SLC25A48: variants seen among roughly 807,000 people sequenced by gnomAD.
SLC25A48 encodes the protein CTC-321K16.1.
SLC25A48 carries 29 observed loss-of-function variants against 32.2 expected under a neutral mutation model. That is an observed-to-expected ratio of 0.90 (90% CI 0.67 to 1.23). The LOEUF (loss-of-function observed/expected upper bound fraction) is 1.23. Ranked by LOEUF, SLC25A48 falls within the 50% of genes most tolerant of loss-of-function variation. The probability of loss-of-function intolerance (pLI) is 0.00; values close to 1 mark genes in which losing one functional copy is unlikely to be tolerated. For missense variants in SLC25A48, 399 were observed against 422.7 expected (o/e 0.94, Z 0.49); for synonymous variants, 164 against 172.3 (o/e 0.95, Z 0.38).
chr5:135,728,038 C>T (rs576906036), intron 3 of SLC25A48, among the ~76,000 whole-genome samples: 6 of 152,154 alleles, frequency 3.9e-5, no homozygotes, highest in African/African-American at 1.4e-4. Flanking sequence ...GGTGGATCAC[C>T]TGAGGTCAGG....
intron 4 of SLC25A48, among the ~76,000 whole-genome samples, chr5:135,818,059 CTCT>C (rs1757775708): frequency 2.8e-4 from 2 of 7,260 alleles, no homozygotes; most frequent in Non-Finnish European, 1.0e-3. Context: ...CTGTTCCTCT[CTCT>C]CTCTCTCTCT....
chr5:135,742,562 T>G, intron 3 of SLC25A48: 2 of 1,365,464 alleles, frequency 1.5e-6, no homozygotes, highest in Non-Finnish European at 2.1e-6. Context: ...TTTTATGGTT[T>G]TCATTTTCTC....
In SLC25A48 at chr5:135,838,835, C is replaced by T. The variant is rs144839982; in HGVS notation, c.47-3581C>T. 7.6e-4 allele frequency among the ~76,000 whole-genome samples: 116 copies of T among 152,356 alleles called. 3 individuals carry two copies. The East Asian group carries it at 0.02, about 26-fold the overall frequency. On this transcript the variant is annotated intron_variant, in intron 1 of 7. Transcript: ENST00000681962. ...GCCTGGATGTCCAGGCAGAAGTTTG[C>T]TGCAGTTGGCTGCAGGGGTGGGGCC...
intron 3 of SLC25A48, among the ~76,000 whole-genome samples, chr5:135,778,169 AG>A (rs943383028): frequency 2.0e-5 from 3 of 151,560 alleles, no homozygotes; most frequent in African/African-American, 4.9e-5. Context: ...TCTAATATTA[AG>A]GGGGGGAGAG....
intron 1 of SLC25A48, among the ~76,000 whole-genome samples, chr5:135,839,132 T>C (rs1349211661): frequency 3.3e-5 from 5 of 152,240 alleles, no homozygotes; most frequent in Admixed American, 2.6e-4. Context: ...TCTTCCCTGA[T>C]GGTGACCTCT....
chr5:135,846,679 TG>T (rs1380793625), intron 2 of SLC25A48, among the ~76,000 whole-genome samples: 1 of 152,180 alleles, frequency 6.6e-6, no homozygotes, highest in Non-Finnish European at 1.5e-5. Context: ...CTCATAGTTT[TG>T]GGCTAAATAT....
chr5:135,843,177 C>A lies in SLC25A48; in HGVS notation c.90+718C>A, dbSNP rs145637933. ...AAACACTTTAAGTAGTAAAGGGGGG[C>A]GTTTAGGCTCCCCAGGGGACATCCC... On this transcript the variant is annotated intron_variant, in intron 2 of 7. Coordinates refer to ENST00000681962, the MANE Select transcript of SLC25A48 (RefSeq NM_001349336.2). Among the ~76,000 whole-genome samples the A allele has an allele frequency of 2.6e-5, 4 of 152,254 alleles. No homozygotes were observed. In the East Asian group the frequency reaches 7.7e-4, roughly 29 times the overall value.
chr5:135,615,637 G>A (rs775128106), intron 1 of SLC25A48, among the ~76,000 whole-genome samples: 29 of 152,292 alleles, frequency 1.9e-4, no homozygotes, highest in Non-Finnish European at 2.9e-4. Context: ...TTTGCAGCCC[G>A]GCCGTATGGT....
chr5:135,839,154 C>A (rs560862799), intron 1 of SLC25A48, among the ~76,000 whole-genome samples: 1 of 152,208 alleles, frequency 6.6e-6, no homozygotes, highest in Non-Finnish European at 1.5e-5. Context: ...AGAGCACTTT[C>A]CTTTGCAGTG....
intron 3 of SLC25A48, among the ~76,000 whole-genome samples, chr5:135,653,361 T>C (rs1753163511): frequency 6.6e-6 from 1 of 152,178 alleles, no homozygotes; most frequent in Non-Finnish European, 1.5e-5. Context: ...ACCGAGGAGA[T>C]TCTGTAGGTC....
At chr5:135,857,111 G>T (rs1268245103) in intron 4 of SLC25A48, among the ~76,000 whole-genome samples, 1 of 152,208 alleles carries the variant, frequency 6.6e-6, no homozygotes, top group African/African-American at 2.4e-5. Flanking sequence ...GCCAAGGGAG[G>T]TGTTTCCCAA....
chr5:135,819,142 A>G (rs374759374), intron 4 of SLC25A48, among the ~76,000 whole-genome samples: 1 of 152,058 alleles, frequency 6.6e-6, no homozygotes, highest in South Asian at 2.1e-4. Context: ...AGAAGGCGAG[A>G]AGAAATAGGC....
chr5:135,682,928 A>G (rs778722780), intron 3 of SLC25A48, among the ~76,000 whole-genome samples: 1 of 152,212 alleles, frequency 6.6e-6, no homozygotes, highest in Non-Finnish European at 1.5e-5. Context: ...ATTACTAATC[A>G]TCATTTATCA....
intron 3 of SLC25A48, among the ~76,000 whole-genome samples, chr5:135,700,773 T>C (rs1195712907): frequency 1.3e-5 from 2 of 152,216 alleles, no homozygotes; most frequent in Non-Finnish European, 2.9e-5. Context: ...GGCCTCTGCA[T>C]GGCTCCCCAT....
At chr5:135,657,012 G>A (rs1327896911) in intron 3 of SLC25A48, among the ~76,000 whole-genome samples, 1 of 152,136 alleles carries the variant, frequency 6.6e-6, no homozygotes, top group African/African-American at 2.4e-5. Context: ...ATCTCAGGGT[G>A]AGCAGTTTGC....
chr5:135,818,948 AAT>A (rs1757809209), intron 4 of SLC25A48, among the ~76,000 whole-genome samples: 1 of 152,186 alleles, frequency 6.6e-6, no homozygotes, highest in Non-Finnish European at 1.5e-5. Context: ...ATTTTCACTG[AAT>A]GATTTCAGTA....
At chr5:135,589,312 A>T (rs922066359) in intron 1 of SLC25A48, among the ~76,000 whole-genome samples, 5 of 152,152 alleles carry the variant, frequency 3.3e-5, no homozygotes, top group African/African-American at 1.2e-4. Context: ...AAGCCCTTAG[A>T]CCTTGGCTTC....
chr5:135,851,624 G>A (rs550643874), intron 3 of SLC25A48, among the ~76,000 whole-genome samples: 1 of 152,324 alleles, frequency 6.6e-6, no homozygotes, highest in South Asian at 2.1e-4. Context: ...GTGTGCAGGT[G>A]TGTGTGAGGC....
intron 1 of SLC25A48, among the ~76,000 whole-genome samples, chr5:135,603,804 G>A (rs1395749843): frequency 6.6e-6 from 1 of 152,160 alleles, no homozygotes; most frequent in Non-Finnish European, 1.5e-5. Context: ...AGGCCTCACT[G>A]TCCCTACAAG....
Sources: allele counts gnomAD v4.1 joint callset (sites outside exome capture counted in the v4.1 genomes callset), GRCh38; gene constraint gnomAD v4.1.1; transcripts MANE v1.5; gene names NCBI Gene and HGNC (gene_info 2026-07-23, HGNC 2026-07-21).